The following EPS15L1 variants were observed in gnomAD, a reference collection of about 807,000 sequenced individuals.
EPS15L1 encodes the protein epidermal growth factor receptor pathway substrate 15 like 1, also known as epidermal growth factor receptor substrate 15-like 1.
In EPS15L1, 43 loss-of-function variants were observed where a neutral mutation model predicts 117.1. The ratio of observed to expected loss-of-function variants is 0.37; its 90% confidence interval spans 0.29 to 0.47. EPS15L1 has a LOEUF of 0.47. Among genes scored for constraint, EPS15L1 ranks in the 20% least tolerant of loss-of-function variants. EPS15L1 has a pLI of 0.99. For synonymous variants in EPS15L1, 459 were observed against 470.5 expected, an observed-to-expected ratio of 0.98 and a Z score of 0.32; for missense variants, 981 against 1,164.0, an observed-to-expected ratio of 0.84 and a Z score of 2.29.
At chr19:16,418,858 A>G (rs2092786344) in intron 10 of EPS15L1, among the ~76,000 whole-genome samples, 1 of 152,148 alleles carries the variant, frequency 6.6e-6, no homozygotes, top group Admixed American at 6.5e-5. Flanking sequence ...CTCACCAGAC[A>G]CTGGATCTGC....
At chr19:16,380,574 GGTCTA>G (rs1319355009) in intron 21 of EPS15L1, among the ~76,000 whole-genome samples, 17 of 150,100 alleles carry the variant, frequency 1.1e-4, no homozygotes, top group African/African-American at 4.2e-4. Flanking sequence ...AAGGCTCCAG[GGTCTA>G]GTCACACAGA....
chr19:16,359,442 G>T (rs529219907), intron 23 of EPS15L1, among the ~76,000 whole-genome samples: 1 of 152,258 alleles, frequency 6.6e-6, no homozygotes, highest in African/African-American at 2.4e-5. Context: ...GACCCAAGGG[G>T]ACAAACAAAA....
At chr19:16,423,026 T>C (rs529461342) in intron 9 of EPS15L1, among the ~76,000 whole-genome samples, 316 of 151,776 alleles carry the variant, frequency 2.1e-3, no homozygotes, top group Non-Finnish European at 3.5e-3. Flanking sequence ...AAGATGTCCA[T>C]AGGATTGAGG....
At chr19:16,417,661 A>T in intron 11 of EPS15L1, 24 bp from the exon 12 acceptor site, 1 of 1,599,420 alleles carries the variant, frequency 6.3e-7, no homozygotes, top group Non-Finnish European at 8.6e-7. Flanking sequence ...CAGAGGCGAG[A>T]TCTCTAATTA....
Position 16,404,865 on chromosome 19 carries a change from A to ACCGTGCTCAGGGCCAGCATT in EPS15L1, c.1267-136_1267-117dup. On this transcript the variant is annotated intron_variant, in intron 13 of 23. Coordinates refer to ENST00000455140, the MANE Select transcript of EPS15L1 (RefSeq NM_001258374.3). This position sits in a 1 kb window ranked among gnomAD's most constrained non-coding sequence, Gnocchi z 4.2. ...GAAGCCTCCGAAACCACCCACTGTG[A>ACCGTGCTCAGGGCCAGCATT]CCGTGCTCAGGGCCAGCATTCCGTG... 8.6e-7 allele frequency: 1 copy of ACCGTGCTCAGGGCCAGCATT among 1,164,242 alleles called. No individual in the cohort carries two copies. Among genetic ancestry groups the ACCGTGCTCAGGGCCAGCATT allele is most frequent in the Non-Finnish European group, 1.2e-6 (1 of 811,382 alleles). The allele number at this position is 1,164,242 out of a possible 1,614,324, so 72.1% of individuals were successfully genotyped here.
chr19:16,385,120 G>T lies in EPS15L1; in HGVS notation c.2247+9C>A. ...GCAGAGGCGCGGGGGCTCCGTGGAG[G>T]GGCTTTACCTTGGACATCTGGCTGA... On this transcript the variant is annotated intron_variant, in intron 21 of 23. Coordinates refer to ENST00000455140, the MANE Select transcript of EPS15L1 (RefSeq NM_001258374.3). 1.9e-6 allele frequency: 3 copies of T among 1,612,554 alleles called. No individual in the cohort carries two copies. The highest frequency in any genetic ancestry group is 2.5e-6 in the Non-Finnish European group (3 of 1,178,600).
intron 16 of EPS15L1, among the ~76,000 whole-genome samples, chr19:16,397,291 T>C (rs1183580564): frequency 4.6e-5 from 7 of 152,180 alleles, no homozygotes; most frequent in African/African-American, 1.4e-4. Context: ...GGTTTCACCA[T>C]GTTGGGCAGG....
intron 1 of EPS15L1, among the ~76,000 whole-genome samples, chr19:16,456,912 G>A (rs1436086743): frequency 1.3e-5 from 2 of 152,118 alleles, no homozygotes; most frequent in Non-Finnish European, 2.9e-5. Context: ...GTCTGTGCAC[G>A]CTGTGCTGAA....
intron 16 of EPS15L1, among the ~76,000 whole-genome samples, chr19:16,396,039 G>A (rs1161760926): frequency 2.0e-5 from 3 of 152,064 alleles, no homozygotes; most frequent in Admixed American, 6.5e-5. Context: ...CCCAGGAGGT[G>A]GAGGTTACAG....
intron 1 of EPS15L1, among the ~76,000 whole-genome samples, chr19:16,454,066 A>G (rs1027859823): frequency 6.6e-6 from 1 of 152,160 alleles, no homozygotes; most frequent in Admixed American, 6.5e-5. Context: ...CCATGGCTAC[A>G]AGGTCTGCTC....
At chr19:16,379,568 T>C (rs1438683455) in intron 21 of EPS15L1, among the ~76,000 whole-genome samples, 1 of 152,276 alleles carries the variant, frequency 6.6e-6, no homozygotes, top group Non-Finnish European at 1.5e-5. Flanking sequence ...TGGCTGCCTC[T>C]GCCTCCAGCA....
chr19:16,446,273 G>C (rs907177053), intron 1 of EPS15L1, among the ~76,000 whole-genome samples: 5 of 152,154 alleles, frequency 3.3e-5, no homozygotes, highest in African/African-American at 1.2e-4. Context: ...CTCCTAAGCA[G>C]GGTTCACCCA....
At chr19:16,463,401 A>G (rs1436901317) in intron 1 of EPS15L1, among the ~76,000 whole-genome samples, 1 of 150,058 alleles carries the variant, frequency 6.7e-6, no homozygotes, top group African/African-American at 2.5e-5. Context: ...AGCCCTTTCT[A>G]CTCTTCCTGA....
intron 19 of EPS15L1, among the ~76,000 whole-genome samples, chr19:16,387,158 G>A (rs746695724): frequency 6.6e-6 from 1 of 152,128 alleles, no homozygotes; most frequent in Non-Finnish European, 1.5e-5. Context: ...AAGAGAAATA[G>A]AAAATATACG....
At chr19:16,446,895 ATG>A (rs1453964366) in intron 1 of EPS15L1, among the ~76,000 whole-genome samples, 1 of 152,186 alleles carries the variant, frequency 6.6e-6, no homozygotes, top group Non-Finnish European at 1.5e-5. Context: ...AGACCCCATA[ATG>A]GCTATGTTTT....
chr19:16,413,990 G>A (rs1407375276), intron 12 of EPS15L1, 145 bp from the exon 13 acceptor site: 2 of 640,636 alleles, frequency 3.1e-6, no homozygotes, highest in Non-Finnish European at 5.5e-6. Flanking sequence ...TGCTCGCCCT[G>A]TACAGTCCCT....
In EPS15L1 at chr19:16,451,418, G is replaced by A. The variant is rs542761564; in HGVS notation, c.34-9199C>T. 3.9e-5 allele frequency among the ~76,000 whole-genome samples: 6 copies of A among 152,270 alleles called. No homozygotes were observed. The South Asian group carries it at 1.0e-3, about 26-fold the overall frequency. ...ATCAGATAATACCAATACCAAAGGC[G>A]TTATTATTAGTTGTGTAAGGTGTGA... On this transcript the variant is annotated intron_variant, in intron 1 of 23. Coordinates refer to ENST00000455140, the MANE Select transcript of EPS15L1 (RefSeq NM_001258374.3).
At chr19:16,437,047 C>T in intron 5 of EPS15L1, 48 bp from the exon 6 acceptor site, 1 of 1,548,290 alleles carries the variant, frequency 6.5e-7, no homozygotes, top group Non-Finnish European at 8.9e-7. Context: ...AGAATTAAAT[C>T]ATAGGTGGGT....
intron 9 of EPS15L1, among the ~76,000 whole-genome samples, chr19:16,422,059 G>A (rs2092819378): frequency 6.6e-6 from 1 of 152,154 alleles, no homozygotes; most frequent in South Asian, 2.1e-4. Flanking sequence ...CCATCCAAGA[G>A]GGCCACCACC....
Sources: gnomAD v4.1 joint callset for allele counts (sites outside exome capture counted in the v4.1 genomes callset) on GRCh38, gnomAD v4.1.1 for gene constraint, Gnocchi (gnomAD v3.1) non-coding constraint, MANE v1.5 for transcripts, NCBI Gene and HGNC (gene_info 2026-07-23, HGNC 2026-07-21) for gene names.